The following CFAP97D2 variants were observed in gnomAD, a reference collection of about 807,000 sequenced individuals.
CFAP97D2 encodes the protein CFAP97 domain containing 2, also known as uncharacterized protein CFAP97D2.
At chr13:114,212,241 T>G in intron 4 of CFAP97D2, 1 of 396,256 alleles carries the variant, frequency 2.5e-6, no homozygotes, top group Non-Finnish European at 4.4e-6. Flanking sequence ...CAAGGATATG[T>G]CAAATGGTCA....
chr13:114,184,832 T>C (rs1323616782), intron 1 of CFAP97D2, among the ~76,000 whole-genome samples: 1 of 152,252 alleles, frequency 6.6e-6, no homozygotes, highest in Non-Finnish European at 1.5e-5. Context: ...AAAACTCTTA[T>C]TTTTATTATT....
At chr13:114,195,990 G>A (rs2080885037) in intron 1 of CFAP97D2, among the ~76,000 whole-genome samples, 1 of 151,374 alleles carries the variant, frequency 6.6e-6, no homozygotes, top group African/African-American at 2.4e-5. Flanking sequence ...GGCTGAGGCA[G>A]GAGAATGGCA....
intron 1 of CFAP97D2, among the ~76,000 whole-genome samples, chr13:114,182,043 T>C (rs146380017): frequency 0.012 from 1,813 of 151,950 alleles, 24 homozygotes; most frequent in African/African-American, 0.026. Context: ...GCGCTCAGCA[T>C]ACCAAGGACC....
intron 4 of CFAP97D2, among the ~76,000 whole-genome samples, chr13:114,214,900 A>G (rs751742312): frequency 6.6e-6 from 1 of 150,812 alleles, no homozygotes; most frequent in Admixed American, 6.6e-5. Flanking sequence ...AAAATATTTT[A>G]TACAGATTTG....
At chr13:114,210,881 C>CACACAT (rs2080964039) in intron 3 of CFAP97D2, among the ~76,000 whole-genome samples, 1 of 151,906 alleles carries the variant, frequency 6.6e-6, no homozygotes, top group African/African-American at 2.4e-5. Context: ...CACACACACA[C>CACACAT]ACACACACAC....
chr13:114,216,373 G>A (rs1445145428), intron 4 of CFAP97D2, among the ~76,000 whole-genome samples: 2 of 152,102 alleles, frequency 1.3e-5, no homozygotes, highest in Admixed American at 6.6e-5. Flanking sequence ...TATGTGCCAT[G>A]TTGGTGTGCC....
chr13:114,198,444 A>G (rs1450250094), intron 2 of CFAP97D2, among the ~76,000 whole-genome samples: 2 of 152,262 alleles, frequency 1.3e-5, no homozygotes, highest in African/African-American at 2.4e-5. Flanking sequence ...TTCTCTTCTT[A>G]TAACTGAATA....
chr13:114,201,494 C>T (rs1365061217), intron 3 of CFAP97D2, among the ~76,000 whole-genome samples: 2 of 152,212 alleles, frequency 1.3e-5, no homozygotes, highest in African/African-American at 4.8e-5. Flanking sequence ...CTGCATGGTC[C>T]TGTGTGCTGG....
intron 3 of CFAP97D2, among the ~76,000 whole-genome samples, chr13:114,201,222 A>G (rs1052814660): frequency 6.6e-6 from 1 of 152,178 alleles, no homozygotes; most frequent in Non-Finnish European, 1.5e-5. Flanking sequence ...TAGTTACACC[A>G]TGGCCCTTTC....
intron 3 of CFAP97D2, among the ~76,000 whole-genome samples, chr13:114,206,937 C>T (rs1039919307): frequency 5.3e-5 from 8 of 152,322 alleles, no homozygotes; most frequent in Non-Finnish European, 1.0e-4. Context: ...TGTATGGATG[C>T]TCCTGTATGG....
Position 114,179,375 on chromosome 13 carries a change from C to A in CFAP97D2, c.45C>A (p.Tyr15Ter), listed in dbSNP as rs2080824758. The A allele has an allele frequency of 2.5e-6, 1 of 398,634 alleles. No homozygotes were observed. Among genetic ancestry groups the A allele is most frequent in the Non-Finnish European group, 4.4e-6 (1 of 226,086 alleles). 24.7% of individuals were successfully genotyped at this position (398,634 alleles called of 1,614,324 possible). A position where few individuals can be genotyped will look rare whatever the true frequency, so the allele number is the denominator to read the frequency against. The change falls in exon 1 of 5, where the codon TAC becomes TAA. Residue 15 changes from tyrosine (Y) to a stop codon, truncating the protein, a stop_gained. Transcript: ENST00000646158. LOFTEE classifies it high-confidence loss of function. The surrounding 1 kb of genome is among the most constrained non-coding windows in gnomAD (Gnocchi z 4.8). ...TGACCTTTCCCTGTGCCAGTGAGTA[C>A]CTGTGGCATGCAAGGGAGAAAGCCT... is the stretch of plus-strand genomic sequence containing the variant.
chr13:114,184,095 G>A (rs2080846713), intron 1 of CFAP97D2, among the ~76,000 whole-genome samples: 1 of 152,172 alleles, frequency 6.6e-6, no homozygotes, highest in East Asian at 1.9e-4. Context: ...AGGCTGCAGG[G>A]AGCCATGATC....
chr13:114,213,697 A>G (rs2080980525), intron 4 of CFAP97D2, among the ~76,000 whole-genome samples: 1 of 144,998 alleles, frequency 6.9e-6, no homozygotes. Flanking sequence ...ACCCCTGCAC[A>G]AGCTCCAGGA....
chr13:114,220,446 C>T (rs1057248552), intron 4 of CFAP97D2, among the ~76,000 whole-genome samples: 5 of 152,158 alleles, frequency 3.3e-5, no homozygotes, highest in African/African-American at 9.7e-5. Context: ...AATATTAACT[C>T]GCAAAATTTC....
chr13:114,204,064 G>A (rs2080929413), intron 3 of CFAP97D2, among the ~76,000 whole-genome samples: 1 of 152,208 alleles, frequency 6.6e-6, no homozygotes, highest in African/African-American at 2.4e-5. Flanking sequence ...TGGCATGGGG[G>A]TAATGAATTT....
At chr13:114,188,636 G>A (rs1247300284) in intron 1 of CFAP97D2, among the ~76,000 whole-genome samples, 1 of 152,034 alleles carries the variant, frequency 6.6e-6, no homozygotes, top group East Asian at 1.9e-4. Context: ...AATTAGACGG[G>A]TGTGGTGGTG....
chr13:114,201,719 C>T (rs1006209624), intron 3 of CFAP97D2, among the ~76,000 whole-genome samples: 7 of 152,302 alleles, frequency 4.6e-5, no homozygotes, highest in South Asian at 4.1e-4. Context: ...AGAAACAGTT[C>T]GTTTTCAGGG....
intron 1 of CFAP97D2, among the ~76,000 whole-genome samples, chr13:114,183,990 A>G (rs1016319401): frequency 3.3e-5 from 5 of 152,208 alleles, no homozygotes; most frequent in Non-Finnish European, 1.5e-5. Context: ...TCTCTACAGT[A>G]AAATTTAAAC....
chr13:114,198,074 G>A (rs761602194), intron 2 of CFAP97D2, among the ~76,000 whole-genome samples: 4 of 151,946 alleles, frequency 2.6e-5, no homozygotes, highest in African/African-American at 9.7e-5. Context: ...TGCAACCTCC[G>A]CCTCCCGGGT....
Sources: gnomAD v4.1 joint callset for allele counts (sites outside exome capture counted in the v4.1 genomes callset) on GRCh38, gnomAD v4.1.1 for gene constraint, Gnocchi (gnomAD v3.1) non-coding constraint, MANE v1.5 for transcripts, NCBI Gene and HGNC (gene_info 2026-07-23, HGNC 2026-07-21) for gene names.